Variants in BIRC6 observed in about 807,000 individuals in gnomAD.
BIRC6 encodes the protein dual E2 ubiquitin-conjugating enzyme/E3 ubiquitin-protein ligase BIRC6.
BIRC6 carries 98 observed loss-of-function variants against 503.3 expected under a neutral mutation model. The observed-to-expected ratio is 0.19, with a 90% CI of 0.17 to 0.23. The LOEUF is 0.23. Among genes scored for constraint, BIRC6 ranks in the 10% least tolerant of loss-of-function variants. The pLI is 1.00. For synonymous variants in BIRC6, 2,240 were observed against 2,078.7 expected, an observed-to-expected ratio of 1.08 and a Z score of -2.11; for missense variants, 5,360 against 5,806.0, an observed-to-expected ratio of 0.92 and a Z score of 2.50.
intron 66 of BIRC6, among the ~76,000 whole-genome samples, chr2:32,591,236 G>A (rs1430975011): frequency 2.0e-5 from 3 of 151,986 alleles, no homozygotes; most frequent in African/African-American, 7.3e-5. Context: ...ATATATATCT[G>A]CTTTATGATT....
rs753680309 is a variant in BIRC6, at chr2:32,515,428, C to T, written c.11007C>T (p.Val3669=). 1.1e-5 allele frequency: 18 copies of T among 1,613,024 alleles called. No individual in the cohort carries two copies. The East Asian group carries it at 4.0e-4, about 36-fold the overall frequency. ...ISQDKLRRHH[V]PQQCNKMPIT... ...AGGACAAACTCAGGCGCCATCATGT[C>T]CCACAACAATGTAATAAGATGCCTA... The change falls in exon 55 of 74, where the codon GTC becomes GTT. Residue 3669 remains valine (V), a synonymous_variant. Coordinates refer to ENST00000421745, the MANE Select transcript of BIRC6 (RefSeq NM_016252.4).
At chr2:32,575,112 T>G (rs922392300) in intron 65 of BIRC6, 44 bp from the exon 66 acceptor site, 2 of 1,589,670 alleles carry the variant, frequency 1.3e-6, no homozygotes, top group Admixed American at 3.3e-5. Context: ...TACTTTTATA[T>G]TGTACATTTG....
intron 1 of BIRC6, among the ~76,000 whole-genome samples, chr2:32,371,097 C>G (rs1051473568): frequency 6.6e-6 from 1 of 150,990 alleles, no homozygotes; most frequent in Non-Finnish European, 1.5e-5. Context: ...CCTGTAGTCT[C>G]AGCTACTTGG....
At chr2:32,506,472 A>G (rs973908663) in intron 50 of BIRC6, among the ~76,000 whole-genome samples, 1 of 152,270 alleles carries the variant, frequency 6.6e-6, no homozygotes. Context: ...AAAAATAACT[A>G]TATTAAAAGG....
rs762435236 is a variant in BIRC6, at chr2:32,467,722, G to A, written c.5554G>A (p.Val1852Met). The stretch of plus-strand genomic sequence containing the variant: ...TCTTCATGACTTAATACCACCTCCC[G>A]TGTGCAGATTCATGAAGGTAAAGAA... ...LILHDLIPPPVCRFMKITVIG... is the reference protein window; with the variant it reads ...LILHDLIPPPMCRFMKITVIG... Residue 1852 changes from valine to methionine, a missense_variant, in exon 27 of 74, where the codon GTG becomes ATG. Val to Met is a conservative substitution (Grantham distance 21). Around this residue, in one of 16 missense-constraint regions of BIRC6, gnomAD observed 2,299 missense variants for 2,267.2 expected, o/e 1.01. Transcript: ENST00000421745. 16 of 1,612,918 alleles carry A rather than the reference G, an allele frequency of 9.9e-6. No homozygotes were observed. The highest frequency in any genetic ancestry group is 2.2e-5 in the South Asian group (2 of 90,914).
chr2:32,437,988 C>T (rs1402850616), intron 15 of BIRC6, among the ~76,000 whole-genome samples: 4 of 152,140 alleles, frequency 2.6e-5, no homozygotes, highest in Non-Finnish European at 4.4e-5. Context: ...GACACAGTCT[C>T]CCTGTGTTGC....
intron 15 of BIRC6, 22 bp from the exon 16 acceptor site, chr2:32,439,486 C>G: frequency 6.3e-7 from 1 of 1,595,828 alleles, no homozygotes; most frequent in East Asian, 2.2e-5. Context: ...GTTATTTTCC[C>G]CATTCTACTC....
chr2:32,491,611 C>T (rs772784846), intron 44 of BIRC6, 53 bp downstream of exon 44: 17 of 1,544,232 alleles, frequency 1.1e-5, no homozygotes, highest in South Asian at 8.7e-5. Context: ...AAACAGTATT[C>T]GTAATGTAAA....
rs1042443969 is a variant in BIRC6 at position 32,453,839 on chromosome 2, T to C, written c.4650T>C (p.Ala1550=). Residue 1550 remains alanine (A), a synonymous_variant, in exon 23 of 74, where the codon GCT becomes GCC. Coordinates refer to ENST00000421745, the MANE Select transcript of BIRC6 (RefSeq NM_016252.4). Reference sequence around the variant, plus strand: ...GAAAGGTCAGTAGTTGCACAGCTGCTGAGGGTAGTTTCACATCTCTCACTG... The same window carrying C: ...GAAAGGTCAGTAGTTGCACAGCTGCCGAGGGTAGTTTCACATCTCTCACTG... ...GNGKVSSCTA[A]EGSFTSLTGL... 26 of 1,613,716 alleles carry C rather than the reference T, an allele frequency of 1.6e-5. No homozygotes were observed. The highest frequency in any genetic ancestry group is 2.2e-5 in the Non-Finnish European group (26 of 1,179,750).
At chr2:32,572,155 T>G (rs973793499) in intron 65 of BIRC6, among the ~76,000 whole-genome samples, 3 of 152,200 alleles carry the variant, frequency 2.0e-5, no homozygotes, top group African/African-American at 4.8e-5. Context: ...GTGGTCTGTC[T>G]AGGAGAATGT....
At position 32,430,929 on chromosome 2, in the gene BIRC6, C is replaced by G. The variant is rs1173052184; in HGVS notation, c.3087C>G (p.Thr1029=). ...TCTTGACATCCCTAGTGGAGCTAACCCGCTTTGAGACTTTGACTCCAAGGT... is the reference window on the plus strand; with the variant it reads ...TCTTGACATCCCTAGTGGAGCTAACGCGCTTTGAGACTTTGACTCCAAGGT... ...LEILTSLVEL[T]RFETLTPRFS... is the part of the protein sequence containing the mutation. The change falls in exon 12 of 74, where the codon ACC becomes ACG. Residue 1029 remains threonine, a synonymous_variant. Transcript: ENST00000421745. 6.2e-7 allele frequency: 1 copy of G among 1,612,548 alleles called. No individual in the cohort carries two copies.
intron 23 of BIRC6, among the ~76,000 whole-genome samples, chr2:32,460,258 ATATATATATATATATTTTTTTTTTTTT>A (rs2047705756): frequency 3.7e-5 from 1 of 27,090 alleles, no homozygotes. Flanking sequence ...ATATATATAT[ATATATATATATATATTTTTTTTTTTTT>A]TTTTTTTTTT....
At chr2:32,427,206 A>G (rs1195856303) in intron 10 of BIRC6, among the ~76,000 whole-genome samples, 1 of 152,032 alleles carries the variant, frequency 6.6e-6, no homozygotes, top group Non-Finnish European at 1.5e-5. Context: ...TCTCTTCTTC[A>G]TGGAATTCCC....
At chr2:32,434,022 T>C (rs1473086973) in intron 13 of BIRC6, among the ~76,000 whole-genome samples, 2 of 152,242 alleles carry the variant, frequency 1.3e-5, no homozygotes, top group Non-Finnish European at 1.5e-5. Flanking sequence ...TTGAATCATA[T>C]AATTATACTT....
rs1295771322 is a variant in BIRC6, at chr2:32,467,515, T to C, written c.5357-10T>C. The C allele has an allele frequency of 1.9e-6, 3 of 1,608,324 alleles. No homozygotes were observed. The highest frequency in any genetic ancestry group is 2.6e-6 in the Non-Finnish European group (3 of 1,175,250). ...TATTTTTGGTCAACTGTTTCTTCTT[T>C]CTCTCATAGGAGCAAGAAGATTTGT... On this transcript the variant is annotated splice_polypyrimidine_tract_variant and intron_variant, in intron 26 of 73. Transcript: ENST00000421745.
At chr2:32,373,321 C>T (rs921491253) in intron 1 of BIRC6, among the ~76,000 whole-genome samples, 6 of 151,974 alleles carry the variant, frequency 3.9e-5, no homozygotes, top group African/African-American at 1.5e-4. Flanking sequence ...GGAAGATTAA[C>T]ACTTGATTTC....
intron 53 of BIRC6, among the ~76,000 whole-genome samples, chr2:32,511,201 C>CTTTTCTTTTTTTTT (rs2054366862): frequency 2.1e-5 from 1 of 48,580 alleles, no homozygotes; most frequent in African/African-American, 8.9e-5. Flanking sequence ...CTTTTCTTTT[C>CTTTTCTTTTTTTTT]TTTTTTTTTT....
At position 32,369,124 on chromosome 2, in the gene BIRC6, T is replaced by G. The variant is rs917955095; in HGVS notation, c.326-8464T>G. ...ATGCAAGATAGCATCAGTACAGATA[T>G]CCAGGGGACATTTCTGTTTGTCTGT... On this transcript the variant is annotated intron_variant, in intron 1 of 73. Transcript: ENST00000421745. Among the ~76,000 whole-genome samples the G allele has an allele frequency of 5.9e-5, 9 of 152,278 alleles. No homozygotes were observed. In the South Asian group the frequency reaches 1.7e-3, roughly 28 times the overall value.
intron 73 of BIRC6, among the ~76,000 whole-genome samples, chr2:32,611,842 G>A (rs925713220): frequency 3.3e-5 from 5 of 152,134 alleles, no homozygotes; most frequent in African/African-American, 1.2e-4. Flanking sequence ...TGAAGATAAT[G>A]ATGACAAGAT....
Sources: allele counts gnomAD v4.1 joint callset (sites outside exome capture counted in the v4.1 genomes callset), GRCh38; gene constraint gnomAD v4.1.1; regional missense constraint gnomAD v4.1.1; transcripts MANE v1.5; gene names NCBI Gene and HGNC (gene_info 2026-07-23, HGNC 2026-07-21).